ENG: variants seen among roughly 807,000 people sequenced by gnomAD.
ENG encodes endoglin.
A neutral mutation model predicts 71.0 loss-of-function variants in ENG; 17 were observed. The ratio of observed to expected loss-of-function variants is 0.24; its 90% CI spans 0.16 to 0.36. The LOEUF is 0.36. ENG is among the 10% of genes least tolerant of loss of function. The pLI is 1.00. For missense variants in ENG, 749 were observed against 868.3 expected (o/e 0.86, Z 1.73); for synonymous variants, 360 against 366.9 (o/e 0.98, Z 0.21).
At position 127,854,582 on chromosome 9, in the gene ENG, G is replaced by C. The variant is rs955866378; in HGVS notation, c.-227C>G. ...AGTTGCTGTCCGAAGGATGGGCGGG[G>C]AGGGGGTGCTGGGCTCCAATGGATG... On this transcript the variant is annotated 5_prime_UTR_variant, in exon 1 of 15. Coordinates refer to ENST00000373203, the MANE Select transcript of ENG (RefSeq NM_001114753.3). 1.1e-4 allele frequency: 63 copies of C among 571,078 alleles called. No individual in the cohort carries two copies. The highest frequency in any genetic ancestry group is 1.7e-4 in the Non-Finnish European group (56 of 323,106). The allele number at this position is 571,078 out of a possible 1,614,324, so 35.4% of individuals were successfully genotyped here.
At chr9:127,818,651 G>A in intron 11 of ENG, 65 bp downstream of exon 11, 1 of 1,553,512 alleles carries the variant, frequency 6.4e-7, no homozygotes, top group Non-Finnish European at 8.9e-7. Flanking sequence ...GTCATGGTGG[G>A]AAGAAAGGCG....
At chr9:127,833,522 CAAAA>C (rs57982372) in intron 2 of ENG, among the ~76,000 whole-genome samples, 1,682 of 66,794 alleles carry the variant, frequency 0.025, 22 homozygotes, top group East Asian at 0.12. Context: ...AACTCCGCCT[CAAAA>C]AAAAAAAAAA....
At position 127,838,905 on chromosome 9, in the gene ENG, C is replaced by A. The variant is rs1390457292; in HGVS notation, c.219+4189G>T. 6.6e-6 allele frequency among the ~76,000 whole-genome samples: 1 copy of A among 152,182 alleles called. No individual in the cohort carries two copies. The highest frequency in any genetic ancestry group is 2.4e-5 in the African/African-American group (1 of 41,434). On this transcript the variant is annotated intron_variant, in intron 2 of 14. Coordinates refer to ENST00000373203, the MANE Select transcript of ENG (RefSeq NM_001114753.3). The surrounding 1 kb of genome is among the most constrained non-coding windows in gnomAD (Gnocchi z 4.3). ...GCTGCCACCGCCCATCTACCACCCA[C>A]CCACAGGAAATCTGAGGATTCTGAG...
chr9:127,852,900 T>C (rs940716876), intron 1 of ENG, among the ~76,000 whole-genome samples: 1 of 152,208 alleles, frequency 6.6e-6, no homozygotes, highest in Non-Finnish European at 1.5e-5. Flanking sequence ...TGCATGGACC[T>C]TTCTCTAACG....
At chr9:127,844,576 T>C (rs1470365020) in intron 1 of ENG, among the ~76,000 whole-genome samples, 2 of 152,114 alleles carry the variant, frequency 1.3e-5, no homozygotes, top group Admixed American at 6.5e-5. Flanking sequence ...ACTATAGGCA[T>C]GCACCACCAC....
intron 8 of ENG, chr9:127,822,237 C>G (rs1830485631): frequency 6.6e-6 from 1 of 152,154 alleles, no homozygotes. Flanking sequence ...TGGAACCATG[C>G]CCACACTCAC....
intron 1 of ENG, among the ~76,000 whole-genome samples, chr9:127,844,594 T>G (rs1831127740): frequency 1.3e-5 from 2 of 152,002 alleles, no homozygotes; most frequent in African/African-American, 4.8e-5. Flanking sequence ...CACATCCAGC[T>G]AATTTTTGCA....
intron 2 of ENG, among the ~76,000 whole-genome samples, chr9:127,837,774 G>GCATC (rs5900769): frequency 0.23 from 26,016 of 112,868 alleles, 2,716 homozygotes; most frequent in Middle Eastern, 0.38. Context: ...ATGCATGAAT[G>GCATC]CATCCATCCA....
chr9:127,827,395 G>GT (rs1190288849), intron 3 of ENG, among the ~76,000 whole-genome samples: 6 of 152,320 alleles, frequency 3.9e-5, no homozygotes, highest in African/African-American at 1.2e-4. Context: ...GGACAGGGAT[G>GT]GGGAGTCTGG....
chr9:127,820,816 G>A (rs975571824), intron 8 of ENG, among the ~76,000 whole-genome samples: 4 of 150,604 alleles, frequency 2.7e-5, no homozygotes, highest in East Asian at 2.0e-4. Flanking sequence ...GCAACAGAGC[G>A]AGACTCCGTC....
rs141099307 is a variant in ENG, at chr9:127,835,784, G to A, written c.220-5957C>T. Among the ~76,000 whole-genome samples the A allele has an allele frequency of 5.9e-3, 903 of 152,266 alleles. 2 individuals are homozygous for A. The highest frequency in any genetic ancestry group is 0.014 in the Middle Eastern group (4 of 294). On this transcript the variant is annotated intron_variant, in intron 2 of 14. Coordinates refer to ENST00000373203, the MANE Select transcript of ENG (RefSeq NM_001114753.3). ...ATGGATAAAGGAAGTGAAAAAAAAG[G>A]GAAGTGCAGGTCACAGCCTGGTCAT...
intron 3 of ENG, 43 bp downstream of exon 3, chr9:127,829,644 C>T (rs776191091): frequency 6.2e-7 from 1 of 1,612,278 alleles, no homozygotes; most frequent in Non-Finnish European, 8.5e-7. Context: ...AGGGACCTCC[C>T]ATGGCCAGAG....
intron 11 of ENG, 121 bp downstream of exon 11, chr9:127,818,595 C>T: frequency 7.2e-7 from 1 of 1,391,376 alleles, no homozygotes; most frequent in South Asian, 1.2e-5. Flanking sequence ...CTCCCGTGCA[C>T]CCAGGCTGTC....
At chr9:127,824,536 T>TC in intron 7 of ENG, 90 bp from the exon 8 acceptor site, 1 of 1,226,502 alleles carries the variant, frequency 8.2e-7, no homozygotes, top group Non-Finnish European at 1.1e-6. Flanking sequence ...TTTTTTTTTT[T>TC]GAGACGGAGT....
chr9:127,832,368 C>A (rs575336422), intron 2 of ENG, among the ~76,000 whole-genome samples: 1 of 152,272 alleles, frequency 6.6e-6, no homozygotes, highest in African/African-American at 2.4e-5. Context: ...AGCCACTGCA[C>A]CCGGCCACTA....
rs965427035 is a variant in ENG, at chr9:127,838,078, G to A, written c.219+5016C>T. On this transcript the variant is annotated intron_variant, in intron 2 of 14. Coordinates refer to ENST00000373203, the MANE Select transcript of ENG (RefSeq NM_001114753.3). This position sits in a 1 kb window ranked among gnomAD's most constrained non-coding sequence, Gnocchi z 4.3. ...TGTCCACATGTGGACAGCTCAGCCCGGATACCCAAACTCCACCATGCCTGC... is the reference window on the plus strand; with the variant it reads ...TGTCCACATGTGGACAGCTCAGCCCAGATACCCAAACTCCACCATGCCTGC... Among the ~76,000 whole-genome samples the A allele has an allele frequency of 6.6e-6, 1 of 152,138 alleles. No homozygotes were observed. The highest frequency in any genetic ancestry group is 1.5e-5 in the Non-Finnish European group (1 of 68,022).
In ENG at chr9:127,831,751, G is replaced by A. The variant is rs1830771856; in HGVS notation, c.220-1924C>T. Among the ~76,000 whole-genome samples, 3 of 149,890 alleles carry A rather than the reference G, an allele frequency of 2.0e-5. No individual in the cohort carries two copies. In the Admixed American group the frequency reaches 2.0e-4, roughly 10 times the overall value. ...CTGTCACCCAGGCTGGAACCCAGTG[G>A]CACAATCTCAGCTCACTACAACCTC... On this transcript the variant is annotated intron_variant, in intron 2 of 14. Coordinates refer to ENST00000373203, the MANE Select transcript of ENG (RefSeq NM_001114753.3).
chr9:127,825,327 C>T lies in ENG; in HGVS notation c.720G>A (p.Leu240=), dbSNP rs1830583292. The change falls in exon 6 of 15, where the codon CTG becomes CTA. Residue 240 remains leucine (L), a synonymous_variant. Transcript: ENST00000373203. Reference sequence around the variant, plus strand: ...CATCGAGATCCCCGGGTGCGCAGCTCAGTTCCACCTTCACCGTCACCGTCC... The same window carrying T: ...CATCGAGATCCCCGGGTGCGCAGCTTAGTTCCACCTTCACCGTCACCGTCC... The part of the protein sequence containing the change: ...GPRTVTVKVE[L]SCAPGDLDAV... 1 of 1,610,666 alleles carries T rather than the reference C, an allele frequency of 6.2e-7. No homozygotes were observed. Among genetic ancestry groups the T allele is most frequent in the African/African-American group, 1.4e-5 (1 of 73,982 alleles).
intron 2 of ENG, among the ~76,000 whole-genome samples, chr9:127,839,927 C>T (rs1001301442): frequency 2.6e-5 from 4 of 152,126 alleles, no homozygotes; most frequent in African/African-American, 7.2e-5. Context: ...ATTCTGTAAA[C>T]GGTAACAACC....
Sources: allele counts gnomAD v4.1 joint callset (sites outside exome capture counted in the v4.1 genomes callset), GRCh38; gene constraint gnomAD v4.1.1; non-coding constraint Gnocchi (gnomAD v3.1); transcripts MANE v1.5; gene names NCBI Gene and HGNC (gene_info 2026-07-23, HGNC 2026-07-21).